Variants in NUS1 observed in about 807,000 individuals in gnomAD.
The protein encoded by NUS1 is dehydrodolichyl diphosphate synthase complex subunit NUS1.
For synonymous variants in NUS1, 135 were observed against 155.2 expected, an observed-to-expected ratio of 0.87 and a Z score of 0.97; for missense variants, 292 against 382.9, an observed-to-expected ratio of 0.76 and a Z score of 1.98.
At chr6:117,688,452 T>C (rs1773171169) in intron 1 of NUS1, among the ~76,000 whole-genome samples, 1 of 149,388 alleles carries the variant, frequency 6.7e-6, no homozygotes, top group African/African-American at 2.4e-5. Context: ...AGGAGGACTT[T>C]TTTTTTTTTT....
chr6:117,682,121 C>G (rs1440888992), intron 1 of NUS1, among the ~76,000 whole-genome samples: 5 of 152,138 alleles, frequency 3.3e-5, no homozygotes, highest in Non-Finnish European at 7.4e-5. Flanking sequence ...TGTGAGCCAC[C>G]GTGCCCAGCT....
Position 117,693,064 on chromosome 6 carries a change from C to T in NUS1, c.438C>T (p.Ser146=). ...DHQGIFKRNN[S]RLMDEILKQQ... ...AAGGTATTTTCAAAAGAAATAATTC[C>T]AGATTGATGGATGAAATTTTAAAAC... The change falls in exon 2 of 5, where the codon TCC becomes TCT. Residue 146 remains serine (S), a synonymous_variant. Coordinates refer to ENST00000368494, the MANE Select transcript of NUS1 (RefSeq NM_138459.5). 6.2e-7 allele frequency: 1 copy of T among 1,605,394 alleles called. No individual in the cohort carries two copies.
At position 117,676,214 on chromosome 6, in the gene NUS1, G is replaced by A. The variant is rs904539547; in HGVS notation, c.415+129G>A. The A allele has an allele frequency of 3.6e-6, 5 of 1,402,054 alleles. 1 individual carries two copies. In the Admixed American group the frequency reaches 1.2e-4, roughly 34 times the overall value. 86.9% of individuals were successfully genotyped at this position (1,402,054 alleles called of 1,614,324 possible). ...CAAATCACAGCGCTAGCGCTTTCGA[G>A]GAAGGGAGATCAGCTTTATTGAACA... On this transcript the variant is annotated intron_variant, in intron 1 of 4. Transcript: ENST00000368494.
chr6:117,694,906 A>T (rs569524627), intron 3 of NUS1, among the ~76,000 whole-genome samples: 1 of 152,258 alleles, frequency 6.6e-6, no homozygotes, highest in Non-Finnish European at 1.5e-5. Flanking sequence ...TTAATCGTGC[A>T]TTTTCAGGCT....
chr6:117,678,302 T>A (rs1230684676), intron 1 of NUS1, among the ~76,000 whole-genome samples: 1 of 152,198 alleles, frequency 6.6e-6, no homozygotes, highest in Non-Finnish European at 1.5e-5. Context: ...AGACCTTCAA[T>A]TAGTCCATTC....
intron 1 of NUS1, among the ~76,000 whole-genome samples, chr6:117,687,843 G>A (rs1358757503): frequency 6.6e-6 from 1 of 152,176 alleles, no homozygotes; most frequent in African/African-American, 2.4e-5. Context: ...GAATGTGCCA[G>A]GATTGAATAA....
chr6:117,706,487 T>C (rs1189438667), intron 4 of NUS1, among the ~76,000 whole-genome samples: 2 of 152,338 alleles, frequency 1.3e-5, no homozygotes, highest in Non-Finnish European at 2.9e-5. Flanking sequence ...GAATCTCTCA[T>C]TACTAGTTGC....
In NUS1 at chr6:117,709,742, T is replaced by C. The variant is rs1773550177; in HGVS notation, c.*2727T>C. The C allele has an allele frequency of 6.6e-6, 1 of 152,580 alleles. No individual in the cohort carries two copies. The highest frequency in any genetic ancestry group is 2.4e-5 in the African/African-American group (1 of 41,456). 9.5% of individuals were successfully genotyped at this position (152,580 alleles called of 1,614,324 possible). A position where few individuals can be genotyped will look rare whatever the true frequency, so the allele number is the denominator to read the frequency against. On this transcript the variant is annotated 3_prime_UTR_variant, in exon 5 of 5. Transcript: ENST00000368494. ...GTTTTTATGATTAAGGAATCAAATT[T>C]ATTGAATTTTATTATTGAAAGTTGA...
intron 4 of NUS1, 22 bp from the exon 5 acceptor site, chr6:117,706,903 T>TC (rs763836113): frequency 1.3e-6 from 2 of 1,597,030 alleles, no homozygotes; most frequent in South Asian, 1.1e-5. Context: ...ATTGCTTTTC[T>TC]CCCCCCGTGT....
At chr6:117,676,139 C>CA in intron 1 of NUS1, 54 bp downstream of exon 1, 1 of 1,548,182 alleles carries the variant, frequency 6.5e-7, no homozygotes, top group Non-Finnish European at 8.7e-7. Context: ...ACCGCTAGAC[C>CA]GCTGGTCTGG....
At chr6:117,699,450 C>T (rs1773367168) in intron 3 of NUS1, among the ~76,000 whole-genome samples, 1 of 152,010 alleles carries the variant, frequency 6.6e-6, no homozygotes. Flanking sequence ...AAGATCTCTA[C>T]AATGAATACT....
At chr6:117,683,396 T>C (rs925846036) in intron 1 of NUS1, among the ~76,000 whole-genome samples, 1 of 152,242 alleles carries the variant, frequency 6.6e-6, no homozygotes, top group African/African-American at 2.4e-5. Context: ...TTCAGTCATG[T>C]AAAATTTTAA....
intron 3 of NUS1, among the ~76,000 whole-genome samples, chr6:117,696,104 G>T (rs182610657): frequency 6.6e-6 from 1 of 152,020 alleles, no homozygotes; most frequent in Admixed American, 6.6e-5. Context: ...TAATTAAAAA[G>T]AATCAAGCAG....
chr6:117,703,567 G>T, intron 3 of NUS1, 38 bp from the exon 4 acceptor site: 1 of 1,322,538 alleles, frequency 7.6e-7, no homozygotes, highest in Non-Finnish European at 1.1e-6. Flanking sequence ...TGCACATGCA[G>T]TGCATGTTAA....
At chr6:117,676,442 G>A (rs1479211172) in intron 1 of NUS1, among the ~76,000 whole-genome samples, 2 of 152,184 alleles carry the variant, frequency 1.3e-5, no homozygotes, top group African/African-American at 4.8e-5. Flanking sequence ...GTCGGGCGTG[G>A]TGGCATATGC....
chr6:117,696,832 A>G (rs1241367718), intron 3 of NUS1, among the ~76,000 whole-genome samples: 1 of 152,148 alleles, frequency 6.6e-6, no homozygotes, highest in African/African-American at 2.4e-5. Context: ...ATCTGAAGGT[A>G]CAACTCTCAC....
At chr6:117,703,088 T>C (rs1173569781) in intron 3 of NUS1, among the ~76,000 whole-genome samples, 1 of 152,180 alleles carries the variant, frequency 6.6e-6, no homozygotes, top group Non-Finnish European at 1.5e-5. Context: ...GGAAGACATT[T>C]GTGATGTATG....
At chr6:117,699,094 C>A (rs1773361786) in intron 3 of NUS1, among the ~76,000 whole-genome samples, 1 of 152,064 alleles carries the variant, frequency 6.6e-6, no homozygotes, top group South Asian at 2.1e-4. Context: ...ATAACTGGAA[C>A]ACAAGGATGC....
Position 117,675,485 on chromosome 6 carries a change from G to T in NUS1, c.-186G>T. Reference sequence around the variant, plus strand: ...ACTGTCCATGTACTACTGGGGGCGGGGCTGCCAAGGGAGGAGGAAGATGGC... The same window carrying T: ...ACTGTCCATGTACTACTGGGGGCGGTGCTGCCAAGGGAGGAGGAAGATGGC... On this transcript the variant is annotated 5_prime_UTR_variant, in exon 1 of 5. Coordinates refer to ENST00000368494, the MANE Select transcript of NUS1 (RefSeq NM_138459.5). 1.6e-6 allele frequency: 1 copy of T among 613,922 alleles called. No homozygotes were observed. The highest frequency in any genetic ancestry group is 2.9e-6 in the Non-Finnish European group (1 of 349,666). The allele number at this position is 613,922 out of a possible 1,614,324, so 38.0% of individuals were successfully genotyped here. A position where few individuals can be genotyped will look rare whatever the true frequency, so the allele number is the denominator to read the frequency against.
Sources: gnomAD v4.1 joint callset for allele counts (sites outside exome capture counted in the v4.1 genomes callset) on GRCh38, gnomAD v4.1.1 for gene constraint, MANE v1.5 for transcripts, NCBI Gene and HGNC (gene_info 2026-07-23, HGNC 2026-07-21) for gene names.